PHACTR3: variants seen among roughly 807,000 people sequenced by gnomAD.
PHACTR3 encodes the protein protein phosphatase 1, regulatory subunit 123.
In PHACTR3, 16 loss-of-function variants were observed where a neutral mutation model predicts 66.8. That is an observed-to-expected ratio of 0.24 (90% CI 0.16 to 0.36). The LOEUF is 0.36. Among genes scored for constraint, PHACTR3 ranks in the 10% least tolerant of loss-of-function variants. The pLI is 1.00. For synonymous variants in PHACTR3, 323 were observed against 292.1 expected, an observed-to-expected ratio of 1.11 and a Z score of -1.08; for missense variants, 647 against 719.9, an observed-to-expected ratio of 0.90 and a Z score of 1.16.
intron 7 of PHACTR3, among the ~76,000 whole-genome samples, chr20:59,783,619 G>A (rs1014636555): frequency 6.6e-6 from 1 of 152,164 alleles, no homozygotes; most frequent in African/African-American, 2.4e-5. Flanking sequence ...GATGAAACTT[G>A]CCCATTTTGA....
At chr20:59,718,304 C>T (rs931617454) in intron 1 of PHACTR3, among the ~76,000 whole-genome samples, 1 of 152,192 alleles carries the variant, frequency 6.6e-6, no homozygotes, top group African/African-American at 2.4e-5. Flanking sequence ...GAGACTGACC[C>T]TGGATCATGA....
At chr20:59,784,413 C>T (rs898979035) in intron 7 of PHACTR3, among the ~76,000 whole-genome samples, 1 of 152,044 alleles carries the variant, frequency 6.6e-6, no homozygotes. Flanking sequence ...TATCCCATTG[C>T]TTCTGTGTCT....
At chr20:59,845,134 A>G (rs1242262516) in intron 11 of PHACTR3, 55 bp from the exon 12 acceptor site, 2 of 1,109,976 alleles carry the variant, frequency 1.8e-6, no homozygotes, top group Admixed American at 3.6e-5. Flanking sequence ...ACACGATGCT[A>G]ATTTCCTGAT....
intron 1 of PHACTR3, among the ~76,000 whole-genome samples, chr20:59,592,441 A>T (rs745359081): frequency 6.6e-6 from 1 of 152,218 alleles, no homozygotes; most frequent in East Asian, 1.9e-4. Context: ...ATGCACCTAC[A>T]TGGACGCAGG....
At chr20:59,693,889 C>G (rs1331679523) in intron 1 of PHACTR3, among the ~76,000 whole-genome samples, 2 of 152,172 alleles carry the variant, frequency 1.3e-5, no homozygotes, top group African/African-American at 4.8e-5. Flanking sequence ...TAGTCCTAGG[C>G]TCAAATCGGG....
intron 1 of PHACTR3, among the ~76,000 whole-genome samples, chr20:59,727,645 T>C (rs2038614883): frequency 6.6e-6 from 1 of 152,158 alleles, no homozygotes; most frequent in South Asian, 2.1e-4. Flanking sequence ...GAGCCTCACT[T>C]TTCTCACCTG....
chr20:59,642,646 G>C (rs2035146683), intron 1 of PHACTR3, among the ~76,000 whole-genome samples: 1 of 152,162 alleles, frequency 6.6e-6, no homozygotes, highest in African/African-American at 2.4e-5. Flanking sequence ...ACTGAGTCTG[G>C]CTTGAGGCTT....
chr20:59,599,208 C>T (rs1441688373), intron 1 of PHACTR3, among the ~76,000 whole-genome samples: 1 of 152,224 alleles, frequency 6.6e-6, no homozygotes, highest in Middle Eastern at 3.2e-3. Flanking sequence ...CTAGGCTCCG[C>T]CGTGCACATT....
At chr20:59,787,960 C>T (rs1174008878) in intron 7 of PHACTR3, among the ~76,000 whole-genome samples, 8 of 152,082 alleles carry the variant, frequency 5.3e-5, no homozygotes, top group South Asian at 2.1e-4. Context: ...TGCATTTTTC[C>T]GTTTTATTTT....
chr20:59,615,799 C>G (rs890322366), intron 1 of PHACTR3, among the ~76,000 whole-genome samples: 11 of 152,180 alleles, frequency 7.2e-5, no homozygotes, highest in Non-Finnish European at 1.6e-4. Flanking sequence ...AGCCTATTGG[C>G]CAACTTCAGG....
At chr20:59,624,960 C>T (rs1433783179) in intron 1 of PHACTR3, among the ~76,000 whole-genome samples, 1 of 151,990 alleles carries the variant, frequency 6.6e-6, no homozygotes, top group Non-Finnish European at 1.5e-5. Context: ...TTTTCCATCC[C>T]AGGATGCCAT....
intron 4 of PHACTR3, among the ~76,000 whole-genome samples, chr20:59,765,290 T>G (rs2040145525): frequency 6.6e-6 from 1 of 152,184 alleles, no homozygotes; most frequent in South Asian, 2.1e-4. Flanking sequence ...GTAACACTTT[T>G]GAGGACAGTT....
intron 1 of PHACTR3, among the ~76,000 whole-genome samples, chr20:59,734,028 C>T (rs2038858451): frequency 1.3e-5 from 2 of 152,064 alleles, no homozygotes; most frequent in South Asian, 2.1e-4. Context: ...CAAGGCTGAA[C>T]TTGCTCCAGG....
At chr20:59,791,353 T>C (rs2041089274) in intron 7 of PHACTR3, among the ~76,000 whole-genome samples, 1 of 152,224 alleles carries the variant, frequency 6.6e-6, no homozygotes, top group African/African-American at 2.4e-5. Flanking sequence ...CTGTTCAATG[T>C]AAATTACCCA....
chr20:59,683,604 A>G (rs1218611917), intron 1 of PHACTR3, among the ~76,000 whole-genome samples: 1 of 152,184 alleles, frequency 6.6e-6, no homozygotes, highest in African/African-American at 2.4e-5. Context: ...AACAATGACA[A>G]CAAAACAACA....
chr20:59,763,726 C>G (rs996440590), intron 4 of PHACTR3, among the ~76,000 whole-genome samples: 1 of 152,204 alleles, frequency 6.6e-6, no homozygotes, highest in Admixed American at 6.5e-5. Context: ...AGGCCTTCAT[C>G]CTGGGGCAGC....
chr20:59,618,888 G>A (rs573106393), intron 1 of PHACTR3, among the ~76,000 whole-genome samples: 1 of 152,330 alleles, frequency 6.6e-6, no homozygotes, highest in East Asian at 1.9e-4. Flanking sequence ...AGAGTCTGGG[G>A]CAGTGCAGGA....
At chr20:59,840,319 C>T (rs1304192225) in intron 9 of PHACTR3, 50 bp from the exon 10 acceptor site, 2 of 1,590,542 alleles carry the variant, frequency 1.3e-6, no homozygotes, top group Admixed American at 1.8e-5. Flanking sequence ...AAGAACGTTT[C>T]AACCTGTTTC....
intron 1 of PHACTR3, among the ~76,000 whole-genome samples, chr20:59,599,375 A>G (rs1401987117): frequency 6.6e-6 from 1 of 152,318 alleles, no homozygotes; most frequent in South Asian, 2.1e-4. Context: ...GGGAACTTCA[A>G]GGCTCCCAGG....
Sources: gnomAD v4.1 joint callset for allele counts (sites outside exome capture counted in the v4.1 genomes callset) on GRCh38, gnomAD v4.1.1 for gene constraint, MANE v1.5 for transcripts, NCBI Gene and HGNC (gene_info 2026-07-23, HGNC 2026-07-21) for gene names.